ST8SIA2: variants seen among roughly 807,000 people sequenced by gnomAD.
ST8SIA2 encodes the protein alpha-2,8-sialyltransferase 8B.
In ST8SIA2, 22 loss-of-function variants were observed where a neutral mutation model predicts 37.6. The ratio of observed to expected loss-of-function variants is 0.58; its 90% CI spans 0.42 to 0.83. ST8SIA2 has a LOEUF of 0.83. Ranked by LOEUF, ST8SIA2 falls within the 40% of genes least tolerant of loss-of-function variation. ST8SIA2 has a pLI of 0.00. For synonymous variants in ST8SIA2, 205 were observed against 201.2 expected (o/e 1.02, Z -0.16); for missense variants, 382 against 484.7 (o/e 0.79, Z 1.99).
At chr15:92,410,213 A>G (rs1434986010) in intron 1 of ST8SIA2, among the ~76,000 whole-genome samples, 2 of 152,256 alleles carry the variant, frequency 1.3e-5, no homozygotes, top group Non-Finnish European at 2.9e-5. Flanking sequence ...CACTGGAAAT[A>G]GCAAATCCAT....
chr15:92,444,296 G>A (rs1161928402), intron 4 of ST8SIA2, among the ~76,000 whole-genome samples: 1 of 152,106 alleles, frequency 6.6e-6, no homozygotes, highest in African/African-American at 2.4e-5. Context: ...GTCACCTAAT[G>A]GGCCAGATCA....
chr15:92,458,044 T>C (rs1002669817), intron 5 of ST8SIA2, among the ~76,000 whole-genome samples: 1 of 152,166 alleles, frequency 6.6e-6, no homozygotes, highest in African/African-American at 2.4e-5. Flanking sequence ...TCAATTCCAT[T>C]TGAGTCAAAT....
chr15:92,440,910 T>TC (rs2049796826), intron 4 of ST8SIA2, among the ~76,000 whole-genome samples: 1 of 152,204 alleles, frequency 6.6e-6, no homozygotes, highest in Admixed American at 6.5e-5. Context: ...AAGTGTTAAT[T>TC]CCCCATGGAC....
chr15:92,468,322 C>T lies in ST8SIA2; in HGVS notation c.*3937C>T, dbSNP rs747800218. On this transcript the variant is annotated 3_prime_UTR_variant, in exon 6 of 6. Coordinates refer to ENST00000268164, the MANE Select transcript of ST8SIA2 (RefSeq NM_006011.4). ...AGGCCCCATTCTTCCTTTACACCCT[C>T]CCCTGGTCAGCCTAGGAGAGTTGTT... is the stretch of plus-strand genomic sequence containing the variant. 3.3e-5 allele frequency: 5 copies of T among 152,722 alleles called. No homozygotes were observed. Among genetic ancestry groups the T allele is most frequent in the Non-Finnish European group, 5.9e-5 (4 of 68,090 alleles). The allele number at this position is 152,722 out of a possible 1,614,324, so 9.5% of individuals were successfully genotyped here. A position where few individuals can be genotyped will look rare whatever the true frequency, so the allele number is the denominator to read the frequency against.
intron 1 of ST8SIA2, among the ~76,000 whole-genome samples, chr15:92,428,311 GA>G (rs1391761163): frequency 6.6e-6 from 1 of 152,158 alleles, no homozygotes; most frequent in Non-Finnish European, 1.5e-5. Context: ...TAAAGTTTGG[GA>G]AACATTTGTT....
At chr15:92,395,474 C>T (rs1252549881) in intron 1 of ST8SIA2, among the ~76,000 whole-genome samples, 2 of 152,190 alleles carry the variant, frequency 1.3e-5, no homozygotes, top group Non-Finnish European at 2.9e-5. Context: ...CCCTGCCCAT[C>T]TCCCTGGAAT....
intron 1 of ST8SIA2, among the ~76,000 whole-genome samples, chr15:92,401,924 AAG>A (rs1491019978): frequency 2.0e-5 from 3 of 152,066 alleles, no homozygotes; most frequent in Non-Finnish European, 4.4e-5. Context: ...AAAAAAAAAA[AAG>A]TGCAATGTAG....
intron 5 of ST8SIA2, among the ~76,000 whole-genome samples, chr15:92,460,656 C>A (rs944327112): frequency 3.3e-5 from 5 of 152,232 alleles, no homozygotes; most frequent in Non-Finnish European, 7.3e-5. Context: ...CATCCCCGAG[C>A]CAGCACCATT....
intron 5 of ST8SIA2, among the ~76,000 whole-genome samples, chr15:92,452,999 C>T (rs2049893214): frequency 6.6e-6 from 1 of 152,040 alleles, no homozygotes; most frequent in African/African-American, 2.4e-5. Context: ...AGTCTCTGCT[C>T]GCACGGTGTA....
intron 1 of ST8SIA2, among the ~76,000 whole-genome samples, chr15:92,402,873 C>G (rs548904787): frequency 1.4e-3 from 202 of 143,066 alleles, no homozygotes; most frequent in South Asian, 4.1e-3. Context: ...GAGAGAGAGA[C>G]ACACTGAGAG....
intron 5 of ST8SIA2, among the ~76,000 whole-genome samples, chr15:92,461,622 G>A (rs538886749): frequency 2.1e-3 from 318 of 152,352 alleles, no homozygotes; most frequent in African/African-American, 7.4e-3. Context: ...CAAGGAAATA[G>A]CGCAGTGCCA....
chr15:92,415,172 T>C (rs915511920), intron 1 of ST8SIA2, among the ~76,000 whole-genome samples: 2 of 152,062 alleles, frequency 1.3e-5, no homozygotes, highest in African/African-American at 4.8e-5. Context: ...TTAGGAAGCA[T>C]AGAACTCCTG....
intron 1 of ST8SIA2, among the ~76,000 whole-genome samples, chr15:92,395,414 GGACAAAAACTTGT>G (rs2141790191): frequency 6.6e-6 from 1 of 152,306 alleles, no homozygotes; most frequent in East Asian, 1.9e-4. Context: ...GAGGCCCCAA[GGACAAAAACTTGT>G]GACAAGTGCC....
intron 2 of ST8SIA2, among the ~76,000 whole-genome samples, chr15:92,431,992 G>A (rs1478791959): frequency 6.6e-6 from 1 of 152,132 alleles, no homozygotes; most frequent in Non-Finnish European, 1.5e-5. Context: ...GGAGAAGTCT[G>A]GAAACCTTTC....
chr15:92,414,504 G>A (rs558832327), intron 1 of ST8SIA2, among the ~76,000 whole-genome samples: 12 of 152,278 alleles, frequency 7.9e-5, no homozygotes, highest in Middle Eastern at 3.4e-3. Context: ...TTCAAATCCC[G>A]CCTAGAGCTC....
chr15:92,423,058 G>A (rs1359196780), intron 1 of ST8SIA2, among the ~76,000 whole-genome samples: 2 of 152,338 alleles, frequency 1.3e-5, no homozygotes, highest in East Asian at 3.9e-4. Flanking sequence ...AGAACAAATA[G>A]TGTGTGGTTC....
intron 5 of ST8SIA2, among the ~76,000 whole-genome samples, chr15:92,449,419 A>G (rs1262304285): frequency 1.3e-5 from 2 of 152,200 alleles, no homozygotes; most frequent in African/African-American, 4.8e-5. Flanking sequence ...ACTTCTGGGC[A>G]CCTAGTTTGA....
chr15:92,429,623 A>G (rs1327507388), intron 1 of ST8SIA2, among the ~76,000 whole-genome samples: 1 of 152,232 alleles, frequency 6.6e-6, no homozygotes, highest in African/African-American at 2.4e-5. Context: ...AGAGAATGCA[A>G]TGGACAACAG....
chr15:92,454,875 T>C (rs2049909126), intron 5 of ST8SIA2, among the ~76,000 whole-genome samples: 1 of 151,884 alleles, frequency 6.6e-6, no homozygotes, highest in Non-Finnish European at 1.5e-5. Flanking sequence ...CTAATTTAAT[T>C]ACAACATCGA....
Sources: gnomAD v4.1 joint callset for allele counts (sites outside exome capture counted in the v4.1 genomes callset) on GRCh38, gnomAD v4.1.1 for gene constraint, MANE v1.5 for transcripts, NCBI Gene and HGNC (gene_info 2026-07-23, HGNC 2026-07-21) for gene names.